CTNNAL1: variants seen among roughly 807,000 people sequenced by gnomAD.
The protein encoded by CTNNAL1 is catenin alpha like 1, also known as alpha-catulin.
In CTNNAL1, 69 loss-of-function variants were observed where a neutral mutation model predicts 93.6. That is an observed-to-expected ratio of 0.74 (90% CI 0.61 to 0.90). CTNNAL1 has a LOEUF of 0.90. Among genes scored for constraint, CTNNAL1 ranks in the 40% least tolerant of loss-of-function variants. CTNNAL1 has a pLI of 0.00. For synonymous variants in CTNNAL1, 286 were observed against 305.4 expected, an observed-to-expected ratio of 0.94 and a Z score of 0.66; for missense variants, 836 against 862.0, an observed-to-expected ratio of 0.97 and a Z score of 0.38.
rs1830584210 is a variant in CTNNAL1, at chr9:108,952,294, C to T, written c.1750G>A (p.Glu584Lys). Reference sequence around the variant, plus strand: ...TCATTCTCCTGATCTTCCCACTTCTCAATTTCGCAGTCAGCGTCAGAGGTG... The same window carrying T: ...TCATTCTCCTGATCTTCCCACTTCTTAATTTCGCAGTCAGCGTCAGAGGTG... ...LLTSDADCEI[E>K]KWEDQENEIV... Residue 584 changes from glutamate to lysine, a missense_variant, in exon 14 of 19, where the codon GAG becomes AAG. Glu to Lys is a moderately conservative substitution (Grantham distance 56, BLOSUM62 1). Coordinates refer to ENST00000325551, the MANE Select transcript of CTNNAL1 (RefSeq NM_003798.4). 6.2e-7 allele frequency: 1 copy of T among 1,614,108 alleles called. No homozygotes were observed. The highest frequency in any genetic ancestry group is 1.3e-5 in the African/African-American group (1 of 74,934).
intron 4 of CTNNAL1, among the ~76,000 whole-genome samples, chr9:108,987,246 T>C (rs1455367369): frequency 6.6e-6 from 1 of 151,940 alleles, no homozygotes; most frequent in Non-Finnish European, 1.5e-5. Flanking sequence ...TTTCTACATA[T>C]GGCTAGCCAG....
chr9:108,989,023 G>A (rs1475440429), intron 4 of CTNNAL1, among the ~76,000 whole-genome samples: 2 of 152,156 alleles, frequency 1.3e-5, no homozygotes, highest in African/African-American at 4.8e-5. Context: ...AGTTTCAGGG[G>A]TCCCACATTT....
intron 1 of CTNNAL1, 68 bp downstream of exon 1, chr9:109,013,234 C>T (rs1827266867): frequency 1.4e-6 from 2 of 1,401,902 alleles, no homozygotes; most frequent in Admixed American, 3.4e-5. Context: ...TCCGGTCGTG[C>T]GAGCGGCGGC....
chr9:108,984,547 T>G, intron 4 of CTNNAL1, 111 bp from the exon 5 acceptor site: 3 of 435,130 alleles, frequency 6.9e-6, no homozygotes, highest in South Asian at 4.9e-5. Context: ...CATTGTTAAG[T>G]GAAAAAAAAA....
chr9:108,953,364 G>C (rs1459022110), intron 12 of CTNNAL1, among the ~76,000 whole-genome samples: 1 of 152,222 alleles, frequency 6.6e-6, no homozygotes, highest in Non-Finnish European at 1.5e-5. Flanking sequence ...TCTGGTGAAA[G>C]CTCCCATGGT....
intron 17 of CTNNAL1, among the ~76,000 whole-genome samples, chr9:108,943,297 G>T (rs1441666419): frequency 6.6e-6 from 1 of 152,120 alleles, no homozygotes; most frequent in Non-Finnish European, 1.5e-5. Flanking sequence ...TCTACTGCAG[G>T]CTGTTTAGGG....
At chr9:108,949,402 G>A (rs186269293) in intron 14 of CTNNAL1, among the ~76,000 whole-genome samples, 1 of 152,272 alleles carries the variant, frequency 6.6e-6, no homozygotes, top group Admixed American at 6.5e-5. Context: ...CAAAGGAGAT[G>A]CTATAATCTT....
intron 5 of CTNNAL1, among the ~76,000 whole-genome samples, chr9:108,983,571 G>C (rs2132155317): frequency 6.6e-6 from 1 of 152,136 alleles, no homozygotes; most frequent in African/African-American, 2.4e-5. Context: ...AATTTTTTAG[G>C]AAAAAATCTC....
rs1356430664 is a variant in CTNNAL1, at chr9:108,976,954, A to C, written c.1188+8T>G. On this transcript the variant is annotated splice_region_variant and intron_variant, in intron 8 of 18. Transcript: ENST00000325551. The stretch of plus-strand genomic sequence containing the variant: ...ATTAGAAGAGGCTAAATTTCAAACT[A>C]TACTTACTTCTTTCTTAAGTTCATT... 3 of 1,284,716 alleles carry C rather than the reference A, an allele frequency of 2.3e-6. No individual in the cohort carries two copies. The highest frequency in any genetic ancestry group is 3.2e-6 in the Non-Finnish European group (3 of 938,058). 79.6% of individuals were successfully genotyped at this position (1,284,716 alleles called of 1,614,324 possible). A position where few individuals can be genotyped will look rare whatever the true frequency, so the allele number is the denominator to read the frequency against.
chr9:109,013,466 G>T lies in CTNNAL1; in HGVS notation c.-24C>A, dbSNP rs531521048. On this transcript the variant is annotated 5_prime_UTR_variant, in exon 1 of 19. Coordinates refer to ENST00000325551, the MANE Select transcript of CTNNAL1 (RefSeq NM_003798.4). ...ATGGCCCTCGGTCTATCCCGCAGCC[G>T]GGACTCCGCGCCGCGGCGAGCCTGC... 98 of 1,353,544 alleles carry T rather than the reference G, an allele frequency of 7.2e-5. No homozygotes were observed. In the East Asian group the frequency reaches 2.4e-3, roughly 33 times the overall value. The allele number at this position is 1,353,544 out of a possible 1,614,324, so 83.8% of individuals were successfully genotyped here.
chr9:109,006,325 T>G (rs181879588), intron 1 of CTNNAL1, among the ~76,000 whole-genome samples: 68 of 152,342 alleles, frequency 4.5e-4, no homozygotes, highest in African/African-American at 1.5e-3. Context: ...TTTTAATGCT[T>G]GCTTCTCCAG....
intron 14 of CTNNAL1, among the ~76,000 whole-genome samples, chr9:108,951,268 G>T (rs1371628457): frequency 6.6e-6 from 1 of 151,414 alleles, no homozygotes; most frequent in Non-Finnish European, 1.5e-5. Flanking sequence ...GCCCACCTCG[G>T]CCTCCCAAAG....
At position 108,992,825 on chromosome 9, in the gene CTNNAL1, A is replaced by T. The variant is rs1291038787; in HGVS notation, c.332-6T>A. ...AAGTGCTGCAATTGTTTCTCCTAAC[A>T]AGAAAGACGAGGGGAGAAAGTTAAA... On this transcript the variant is annotated splice_region_variant and splice_polypyrimidine_tract_variant and intron_variant, in intron 2 of 18. Coordinates refer to ENST00000325551, the MANE Select transcript of CTNNAL1 (RefSeq NM_003798.4). The T allele has an allele frequency of 6.2e-7, 1 of 1,602,452 alleles. No individual in the cohort carries two copies. The highest frequency in any genetic ancestry group is 1.1e-5 in the South Asian group (1 of 88,646).
chr9:108,962,442 A>G (rs1441503198), intron 11 of CTNNAL1, among the ~76,000 whole-genome samples: 1 of 152,192 alleles, frequency 6.6e-6, no homozygotes, highest in Non-Finnish European at 1.5e-5. Context: ...GAGACAGAAA[A>G]GGAGAACACT....
chr9:108,998,870 AG>A (rs1832121134), intron 2 of CTNNAL1, among the ~76,000 whole-genome samples, 196 bp downstream of exon 2: 1 of 152,210 alleles, frequency 6.6e-6, no homozygotes, highest in African/African-American at 2.4e-5. Flanking sequence ...TGACCAGTGA[AG>A]GAGTCCTATG....
chr9:108,993,774 A>G (rs1270222739), intron 2 of CTNNAL1, among the ~76,000 whole-genome samples: 1 of 152,222 alleles, frequency 6.6e-6, no homozygotes, highest in Non-Finnish European at 1.5e-5. Flanking sequence ...AAAGTCCTAA[A>G]TATACCTGTG....
At chr9:108,997,521 A>T (rs1832067979) in intron 2 of CTNNAL1, among the ~76,000 whole-genome samples, 1 of 152,080 alleles carries the variant, frequency 6.6e-6, no homozygotes, top group African/African-American at 2.4e-5. Context: ...TTTCTCAATG[A>T]CTCCTAGTAT....
intron 1 of CTNNAL1, among the ~76,000 whole-genome samples, chr9:109,000,135 T>C (rs1477000199): frequency 6.6e-6 from 1 of 152,230 alleles, no homozygotes; most frequent in Non-Finnish European, 1.5e-5. Flanking sequence ...TATTTTAGAA[T>C]TAATAGACCT....
At chr9:108,953,440 A>G (rs12338621) in intron 12 of CTNNAL1, among the ~76,000 whole-genome samples, 10,851 of 152,254 alleles carry the variant, frequency 0.071, 477 homozygotes, top group Admixed American at 0.13. Context: ...TACAATGGAA[A>G]CATATATTTA....
Sources: allele counts gnomAD v4.1 joint callset (sites outside exome capture counted in the v4.1 genomes callset), GRCh38; gene constraint gnomAD v4.1.1; transcripts MANE v1.5; gene names NCBI Gene and HGNC (gene_info 2026-07-23, HGNC 2026-07-21).